The following ANKS1B variants were observed in gnomAD, a reference collection of about 807,000 sequenced individuals.
The protein encoded by ANKS1B is ankyrin repeat and sterile alpha motif domain-containing protein 1B.
In ANKS1B, 36 loss-of-function variants were observed where a neutral mutation model predicts 148.3. That is an observed-to-expected ratio of 0.24 (90% confidence interval 0.19 to 0.32). The LOEUF is 0.32. Among genes scored for constraint, ANKS1B ranks in the 10% least tolerant of loss-of-function variants. The pLI is 1.00. For missense variants in ANKS1B, 1,157 were observed against 1,542.6 expected, an observed-to-expected ratio of 0.75 and a Z score of 4.19; for synonymous variants, 542 against 560.8, an observed-to-expected ratio of 0.97 and a Z score of 0.47.
intron 4 of ANKS1B, among the ~76,000 whole-genome samples, chr12:99,785,841 C>T (rs2153637998): frequency 6.6e-6 from 1 of 152,204 alleles, no homozygotes; most frequent in Non-Finnish European, 1.5e-5. Flanking sequence ...CTGACTGTAT[C>T]TTCAAGATGG....
At chr12:99,504,953 C>A (rs187475662) in intron 9 of ANKS1B, among the ~76,000 whole-genome samples, 1 of 152,162 alleles carries the variant, frequency 6.6e-6, no homozygotes, top group Admixed American at 6.6e-5. Context: ...CCCCAAGACT[C>A]TACTCCTTTG....
chr12:98,794,706 G>T (rs747855011), intron 22 of ANKS1B: 5 of 951,250 alleles, frequency 5.3e-6, no homozygotes, highest in Non-Finnish European at 8.6e-6. Context: ...TTTGAAAACC[G>T]TAGAAATGAA....
intron 9 of ANKS1B, among the ~76,000 whole-genome samples, chr12:99,590,072 G>T (rs893619313): frequency 1.3e-5 from 2 of 151,628 alleles, no homozygotes; most frequent in Admixed American, 6.6e-5. Flanking sequence ...CAGTTACATA[G>T]GAATATACTA....
At chr12:99,625,401 A>G (rs183319136) in intron 9 of ANKS1B, among the ~76,000 whole-genome samples, 12 of 152,226 alleles carry the variant, frequency 7.9e-5, no homozygotes, top group Non-Finnish European at 2.9e-5. Flanking sequence ...TAGAAATTTT[A>G]AAAAAACTGT....
At chr12:99,430,654 C>T (rs937768120) in intron 11 of ANKS1B, among the ~76,000 whole-genome samples, 7 of 152,104 alleles carry the variant, frequency 4.6e-5, no homozygotes, top group South Asian at 2.1e-4. Flanking sequence ...AGCTGTAAAA[C>T]GACATTGGGG....
intron 2 of ANKS1B, among the ~76,000 whole-genome samples, chr12:99,819,012 C>G (rs2082196410): frequency 6.6e-6 from 1 of 151,824 alleles, no homozygotes; most frequent in Non-Finnish European, 1.5e-5. Context: ...TTATTTCATA[C>G]CATCCTCTCT....
chr12:99,532,384 C>T (rs1459478809), intron 9 of ANKS1B, among the ~76,000 whole-genome samples: 3 of 152,052 alleles, frequency 2.0e-5, no homozygotes, highest in Admixed American at 1.3e-4. Flanking sequence ...GTTTTTGAGA[C>T]GGAGTCTCGC....
chr12:99,930,325 T>C (rs1303202165), intron 1 of ANKS1B, among the ~76,000 whole-genome samples: 1 of 152,154 alleles, frequency 6.6e-6, no homozygotes, highest in African/African-American at 2.4e-5. Context: ...ATAAGAATGC[T>C]TGTGATTTTT....
chr12:99,412,822 G>A (rs1389962154), intron 11 of ANKS1B, among the ~76,000 whole-genome samples: 3 of 152,092 alleles, frequency 2.0e-5, no homozygotes, highest in Admixed American at 6.6e-5. Context: ...GAGGAAGTCT[G>A]GACAACTCGA....
At chr12:99,390,052 G>A (rs1215233559) in intron 12 of ANKS1B, among the ~76,000 whole-genome samples, 2 of 152,154 alleles carry the variant, frequency 1.3e-5, no homozygotes, top group African/African-American at 4.8e-5. Flanking sequence ...GCACCCGGGT[G>A]CTCTGCAATT....
intron 9 of ANKS1B, among the ~76,000 whole-genome samples, chr12:99,617,407 G>T (rs1455265631): frequency 6.6e-6 from 1 of 152,138 alleles, no homozygotes; most frequent in East Asian, 1.9e-4. Context: ...ATCAATGATA[G>T]ACTGGATAAA....
chr12:98,753,889 A>G (rs952146324), intron 25 of ANKS1B, among the ~76,000 whole-genome samples: 5 of 152,064 alleles, frequency 3.3e-5, no homozygotes, highest in Admixed American at 2.0e-4. Flanking sequence ...CGATTCCCAC[A>G]CTGCTGCTGG....
Position 99,831,983 on chromosome 12 carries a change from T to C in ANKS1B, c.135-6594A>G, listed in dbSNP as rs190616142. ...AAAATATAATTAACCTCACTGTGGC[T>C]AGCAAAGAGCAAAATAAAACAGTGG... is the stretch of plus-strand genomic sequence containing the variant. On this transcript the variant is annotated intron_variant, in intron 1 of 26. Transcript: ENST00000683438. Among the ~76,000 whole-genome samples, 52 of 152,344 alleles carry C rather than the reference T, an allele frequency of 3.4e-4. 1 individual carries two copies. In the South Asian group the frequency reaches 8.5e-3, roughly 25 times the overall value.
intron 12 of ANKS1B, among the ~76,000 whole-genome samples, chr12:99,385,890 T>C (rs1252882076): frequency 6.6e-6 from 1 of 152,226 alleles, no homozygotes. Context: ...ACATGTGATC[T>C]AAATTGTTCA....
intron 10 of ANKS1B, among the ~76,000 whole-genome samples, chr12:99,470,600 T>C (rs561747679): frequency 6.6e-6 from 1 of 152,196 alleles, no homozygotes; most frequent in Non-Finnish European, 1.5e-5. Flanking sequence ...TATAGTTTAA[T>C]AGATTACTTC....
At chr12:99,378,177 C>T (rs901282627) in intron 12 of ANKS1B, among the ~76,000 whole-genome samples, 2 of 152,112 alleles carry the variant, frequency 1.3e-5, no homozygotes, top group Admixed American at 6.5e-5. Context: ...CCCTGTTAAA[C>T]AATATAGGGT....
intron 17 of ANKS1B, among the ~76,000 whole-genome samples, chr12:98,998,184 T>A (rs2099930839): frequency 6.6e-6 from 1 of 152,182 alleles, no homozygotes; most frequent in Non-Finnish European, 1.5e-5. Context: ...GGGGAAGACA[T>A]CTGACACTTC....
At position 99,920,568 on chromosome 12, in the gene ANKS1B, A is replaced by G. The variant is rs561658804; in HGVS notation, c.134+63536T>C. ...GATTATGGAGACTGAAAAGTCCACC[A>G]ATGATTAATTCATTCATTCATACTT... On this transcript the variant is annotated intron_variant, in intron 1 of 26. Transcript: ENST00000683438. Among the ~76,000 whole-genome samples, 7 of 152,240 alleles carry G rather than the reference A, an allele frequency of 4.6e-5. No individual in the cohort carries two copies. The South Asian group carries it at 1.4e-3, about 32-fold the overall frequency.
At chr12:99,608,609 C>T (rs1038730224) in intron 9 of ANKS1B, among the ~76,000 whole-genome samples, 1 of 151,940 alleles carries the variant, frequency 6.6e-6, no homozygotes, top group African/African-American at 2.4e-5. Flanking sequence ...CTTGGTACCC[C>T]AAATGCCAAA....
Sources: allele counts gnomAD v4.1 joint callset (sites outside exome capture counted in the v4.1 genomes callset), GRCh38; gene constraint gnomAD v4.1.1; transcripts MANE v1.5; gene names NCBI Gene and HGNC (gene_info 2026-07-23, HGNC 2026-07-21).